Variants in ATXN7 observed in about 807,000 individuals in gnomAD.
ATXN7 encodes ataxin 7, also known as ataxin-7.
A neutral mutation model predicts 70.5 loss-of-function variants in ATXN7; 12 were observed. The ratio of observed to expected loss-of-function variants is 0.17; its 90% CI spans 0.11 to 0.28. ATXN7 has a LOEUF of 0.28. Among genes scored for constraint, ATXN7 ranks in the 10% least tolerant of loss-of-function variants. ATXN7 has a pLI of 1.00. For synonymous variants in ATXN7, 498 were observed against 448.7 expected, an observed-to-expected ratio of 1.11 and a Z score of -1.39; for missense variants, 1,256 against 1,131.7, an observed-to-expected ratio of 1.11 and a Z score of -1.58.
At chr3:63,914,998 C>G (rs1704206326) in intron 4 of ATXN7, among the ~76,000 whole-genome samples, 1 of 152,088 alleles carries the variant, frequency 6.6e-6, no homozygotes, top group African/African-American at 2.4e-5. Flanking sequence ...TCAGTGCAAC[C>G]TCCACCTCCT....
rs1412342815 is a variant in ATXN7 at position 64,002,455 on chromosome 3, GCTTTT to G, written c.*2994_*2998del. ...ACTACATGTAACTAAGTGACACACT[GCTTTT>G]CTTTTGTTAGTATTTTATGTGTGGG... On this transcript the variant is annotated 3_prime_UTR_variant, in exon 13 of 13. Coordinates refer to ENST00000674280, the MANE Select transcript of ATXN7 (RefSeq NM_001377405.1). The G allele has an allele frequency of 6.6e-6, 1 of 152,242 alleles. No individual in the cohort carries two copies. The highest frequency in any genetic ancestry group is 1.5e-5 in the Non-Finnish European group (1 of 68,014). 9.4% of individuals were successfully genotyped at this position (152,242 alleles called of 1,614,324 possible). A position where few individuals can be genotyped will look rare whatever the true frequency, so the allele number is the denominator to read the frequency against.
intron 1 of ATXN7, among the ~76,000 whole-genome samples, chr3:63,888,697 A>G (rs1469213317): frequency 6.6e-6 from 1 of 152,050 alleles, no homozygotes; most frequent in Non-Finnish European, 1.5e-5. Flanking sequence ...AATCGCTTGA[A>G]CCTGGGAGGC....
chr3:63,908,441 G>C (rs1447462628), intron 2 of ATXN7, among the ~76,000 whole-genome samples: 1 of 152,194 alleles, frequency 6.6e-6, no homozygotes, highest in African/African-American at 2.4e-5. Context: ...AAGATAAAAA[G>C]AAACCAAAGC....
intron 4 of ATXN7, among the ~76,000 whole-genome samples, chr3:63,916,217 AG>A (rs1239453728): frequency 1.3e-5 from 2 of 152,230 alleles, no homozygotes. Context: ...TGAATGACTC[AG>A]TACACACTAA....
intron 8 of ATXN7, among the ~76,000 whole-genome samples, chr3:63,984,429 T>C (rs188151712): frequency 1.3e-5 from 2 of 152,260 alleles, no homozygotes; most frequent in Non-Finnish European, 2.9e-5. Context: ...GATAGCCACC[T>C]GAGTTCTGTA....
chr3:63,923,006 C>A (rs554781806), intron 4 of ATXN7, among the ~76,000 whole-genome samples: 44 of 152,316 alleles, frequency 2.9e-4, no homozygotes, highest in African/African-American at 9.1e-4. Flanking sequence ...TGGGCAGTTA[C>A]TGGTAAGCAA....
chr3:63,965,358 G>A (rs1237819148), intron 5 of ATXN7, among the ~76,000 whole-genome samples: 5 of 152,178 alleles, frequency 3.3e-5, no homozygotes, highest in Non-Finnish European at 7.3e-5. Flanking sequence ...GAAGTGCTCA[G>A]ACTGCAGGCT....
At chr3:63,928,417 G>C (rs1469332202) in intron 4 of ATXN7, among the ~76,000 whole-genome samples, 1 of 148,958 alleles carries the variant, frequency 6.7e-6, no homozygotes, top group Non-Finnish European at 1.5e-5. Flanking sequence ...TTTTTTTTTT[G>C]AGTGCCAAGG....
intron 1 of ATXN7, chr3:63,866,743 C>T (rs886865045): frequency 2.6e-5 from 4 of 152,160 alleles, no homozygotes; most frequent in Non-Finnish European, 5.9e-5. Flanking sequence ...TTTTAGTAAA[C>T]TTTACAAGTG....
chr3:63,875,806 G>T lies in ATXN7; in HGVS notation c.-111+11648G>T, dbSNP rs3774703. On this transcript the variant is annotated intron_variant, in intron 1 of 12. Transcript: ENST00000674280. ...AATTAAGGTCTCCAGACAGTTTTCTGTTAATAGCAGGGTTGTATGTTAGGC... is the reference window on the plus strand; with the variant it reads ...AATTAAGGTCTCCAGACAGTTTTCTTTTAATAGCAGGGTTGTATGTTAGGC... 4.5e-4 allele frequency among the ~76,000 whole-genome samples: 68 copies of T among 152,202 alleles called. No homozygotes were observed. In the East Asian group the frequency reaches 0.012, roughly 26 times the overall value.
At chr3:63,876,435 T>A (rs1342494010) in intron 1 of ATXN7, among the ~76,000 whole-genome samples, 2 of 152,178 alleles carry the variant, frequency 1.3e-5, no homozygotes, top group Non-Finnish European at 2.9e-5. Flanking sequence ...CATTTGTCAT[T>A]ACATTAAGAC....
In ATXN7 at chr3:63,921,610, G is replaced by C. The variant is rs560901672; in HGVS notation, c.394+8385G>C. 8.5e-5 allele frequency among the ~76,000 whole-genome samples: 13 copies of C among 152,260 alleles called. No homozygotes were observed. The East Asian group carries it at 1.2e-3, about 14-fold the overall frequency. On this transcript the variant is annotated intron_variant, in intron 4 of 12. Transcript: ENST00000674280. ...GGAACCCTGTTTCTGTGTGCTCTTGGTTGGTGTTATGCAGAAAAGAGGTTC... is the reference window on the plus strand; with the variant it reads ...GGAACCCTGTTTCTGTGTGCTCTTGCTTGGTGTTATGCAGAAAAGAGGTTC...
Position 63,912,684 on chromosome 3 carries a change from GGCA to G in ATXN7, c.116_118del (p.Gln39del), listed in dbSNP as rs193922929. ...GGCGGAGCAGCGGCCGCGGCCGCCCGGCAGCAGCAGCAGCAGCAGCAGCAGCAG... is the reference window on the plus strand; with the variant it reads ...GGCGGAGCAGCGGCCGCGGCCGCCCGGCAGCAGCAGCAGCAGCAGCAGCAG... On this transcript the variant is annotated inframe_deletion, in exon 3 of 13. Transcript: ENST00000674280. The G allele has an allele frequency of 3.3e-3, 3,541 of 1,078,090 alleles. 11 individuals are homozygous for G. Among genetic ancestry groups the G allele is most frequent in the African/African-American group, 0.018 (1,016 of 57,564 alleles). The allele number at this position is 1,078,090 out of a possible 1,614,324, so 66.8% of individuals were successfully genotyped here. A position where few individuals can be genotyped will look rare whatever the true frequency, so the allele number is the denominator to read the frequency against.
At chr3:63,908,353 G>A (rs1703910209) in intron 2 of ATXN7, among the ~76,000 whole-genome samples, 1 of 152,178 alleles carries the variant, frequency 6.6e-6, no homozygotes, top group African/African-American at 2.4e-5. Context: ...GGCTCTCTCT[G>A]GAGAAGAACG....
chr3:63,901,010 A>G (rs1486781234), intron 2 of ATXN7: 2 of 152,206 alleles, frequency 1.3e-5, no homozygotes, highest in African/African-American at 2.4e-5. Context: ...TGTTCATTCA[A>G]CAAACATTTA....
At chr3:63,938,520 G>A (rs2074702509) in intron 4 of ATXN7, among the ~76,000 whole-genome samples, 1 of 152,142 alleles carries the variant, frequency 6.6e-6, no homozygotes, top group Non-Finnish European at 1.5e-5. Flanking sequence ...AGAGAAAGCA[G>A]CTGTACACAT....
intron 6 of ATXN7, 137 bp from the exon 7 acceptor site, chr3:63,982,049 T>A: frequency 1.7e-6 from 2 of 1,192,334 alleles, no homozygotes; most frequent in Non-Finnish European, 2.4e-6. Context: ...ACAAAACTCA[T>A]AAGGAGCCTT....
At chr3:63,998,914 TAGG>T (rs1456397769) in intron 12 of ATXN7, 2 of 164,032 alleles carry the variant, frequency 1.2e-5, no homozygotes, top group Non-Finnish European at 2.5e-5. Context: ...CTGGGAAGCC[TAGG>T]AGATGATGGG....
intron 4 of ATXN7, among the ~76,000 whole-genome samples, chr3:63,950,338 T>G (rs2074933219): frequency 6.6e-6 from 1 of 152,228 alleles, no homozygotes; most frequent in Non-Finnish European, 1.5e-5. Flanking sequence ...GTGATCTATT[T>G]TAAGCAACAG....
Sources: gnomAD v4.1 joint callset for allele counts (sites outside exome capture counted in the v4.1 genomes callset) on GRCh38, gnomAD v4.1.1 for gene constraint, MANE v1.5 for transcripts, NCBI Gene and HGNC (gene_info 2026-07-23, HGNC 2026-07-21) for gene names.